NAP1L1: variants seen among roughly 807,000 people sequenced by gnomAD.
The protein encoded by NAP1L1 is nucleosome assembly protein 1 like 1, also known as nucleosome assembly protein 1-like 1.
NAP1L1 carries 9 observed loss-of-function variants against 58.9 expected under a neutral mutation model. The observed-to-expected ratio is 0.15, with a 90% CI of 0.09 to 0.27. The LOEUF is 0.27. NAP1L1 is among the 10% of genes least tolerant of loss of function. The pLI, the probability that NAP1L1 is intolerant of heterozygous loss-of-function variation, is 1.00. For missense variants in NAP1L1, 302 were observed against 458.8 expected, an observed-to-expected ratio of 0.66 and a Z score of 3.12; for synonymous variants, 130 against 138.3, an observed-to-expected ratio of 0.94 and a Z score of 0.42.
At chr12:76,072,771 C>T (rs1219422946) in intron 2 of NAP1L1, among the ~76,000 whole-genome samples, 1 of 152,098 alleles carries the variant, frequency 6.6e-6, no homozygotes, top group African/African-American at 2.4e-5. Flanking sequence ...GACAATGGAG[C>T]AATGCCTTCA....
intron 3 of NAP1L1, 132 bp from the exon 4 acceptor site, chr12:76,067,605 G>A (rs1334233116): frequency 1.5e-5 from 9 of 608,088 alleles, no homozygotes; most frequent in Admixed American, 5.7e-5. Context: ...GAGTAGAGAC[G>A]GGCAGGGAAA....
At position 76,047,108 on chromosome 12, in the gene NAP1L1, G is replaced by C. The variant is rs1159880378; in HGVS notation, c.*1321C>G. The C allele has an allele frequency of 1.3e-5, 2 of 152,426 alleles. No individual in the cohort carries two copies. The highest frequency in any genetic ancestry group is 4.8e-5 in the African/African-American group (2 of 41,432). 9.4% of individuals were successfully genotyped at this position (152,426 alleles called of 1,614,324 possible). A position where few individuals can be genotyped will look rare whatever the true frequency, so the allele number is the denominator to read the frequency against. On this transcript the variant is annotated 3_prime_UTR_variant, in exon 15 of 15. Coordinates refer to ENST00000618691, the MANE Select transcript of NAP1L1 (RefSeq NM_004537.7). Reference sequence around the variant, plus strand: ...CAGTTTAGTTATCAAAGCGTGGTGTGAACAAAATGCTTAGTGTCACACTGG... The same window carrying C: ...CAGTTTAGTTATCAAAGCGTGGTGTCAACAAAATGCTTAGTGTCACACTGG...
At chr12:76,068,524 T>G (rs1397671064) in intron 3 of NAP1L1, 1 of 154,536 alleles carries the variant, frequency 6.5e-6, no homozygotes, top group East Asian at 1.9e-4. Context: ...CTTGAAGGAG[T>G]GGATCTTTAA....
At chr12:76,073,237 A>C (rs1950040377) in intron 2 of NAP1L1, among the ~76,000 whole-genome samples, 1 of 151,822 alleles carries the variant, frequency 6.6e-6, no homozygotes, top group South Asian at 2.1e-4. Context: ...TCTTGTACTG[A>C]AGTTTCCAGC....
intron 4 of NAP1L1, among the ~76,000 whole-genome samples, chr12:76,066,137 TAAACAAACAAAC>T (rs10563211): frequency 6.6e-5 from 4 of 60,302 alleles, no homozygotes; most frequent in African/African-American, 1.5e-4. Flanking sequence ...AATAAATAAA[TAAACAAACAAAC>T]AAACAAACCT....
rs370858261 is a variant in NAP1L1, at chr12:76,038,584, TAGA to T, written c.*9842_*9844del. 4.2e-4 allele frequency: 64 copies of T among 152,310 alleles called. No homozygotes were observed. The highest frequency in any genetic ancestry group is 2.5e-3 in the East Asian group (13 of 5,190). The allele number at this position is 152,310 out of a possible 1,614,324, so 9.4% of individuals were successfully genotyped here. On this transcript the variant is annotated 3_prime_UTR_variant, in exon 15 of 15. Coordinates refer to ENST00000618691, the MANE Select transcript of NAP1L1 (RefSeq NM_004537.7). ...AAAGAAGGTGGTAGTGGTGTTACTT[TAGA>T]AGAACAACTCAGGCTTCAGAGAGGG...
chr12:76,068,212 C>T (rs1949773015), intron 3 of NAP1L1, among the ~76,000 whole-genome samples: 1 of 152,042 alleles, frequency 6.6e-6, no homozygotes, highest in Non-Finnish European at 1.5e-5. Context: ...GTACACACAG[C>T]CAGGATAACC....
chr12:76,067,279 A>G (rs1949724973), intron 4 of NAP1L1, 92 bp downstream of exon 4: 2 of 959,742 alleles, frequency 2.1e-6, no homozygotes, highest in Non-Finnish European at 3.2e-6. Context: ...GGTTTCCACT[A>G]TTGCATATCT....
chr12:76,078,255 G>A (rs1448226098), intron 1 of NAP1L1, among the ~76,000 whole-genome samples: 1 of 151,876 alleles, frequency 6.6e-6, no homozygotes, highest in Non-Finnish European at 1.5e-5. Context: ...AAATTAAGCA[G>A]GAACCCCAAA....
Position 76,040,489 on chromosome 12 carries a change from G to C in NAP1L1, c.*7940C>G, listed in dbSNP as rs1007709909. ...ACTGTTATAATCCAGTTCCACCTGA[G>C]AGTAAATATACATACACATACATAT... On this transcript the variant is annotated 3_prime_UTR_variant, in exon 15 of 15. Coordinates refer to ENST00000618691, the MANE Select transcript of NAP1L1 (RefSeq NM_004537.7). 7.2e-5 allele frequency: 11 copies of C among 151,978 alleles called. No homozygotes were observed. Among genetic ancestry groups the C allele is most frequent in the Non-Finnish European group, 1.5e-5 (1 of 68,000 alleles). 9.4% of individuals were successfully genotyped at this position (151,978 alleles called of 1,614,324 possible). A position where few individuals can be genotyped will look rare whatever the true frequency, so the allele number is the denominator to read the frequency against.
rs923245878 is a variant in NAP1L1, at chr12:76,041,569, A to G, written c.*6860T>C. ...ACCAAGCCAAATGAATAGCAAAGAC[A>G]ACAGTTCCAGCCTCCAGTTTTGAAA... On this transcript the variant is annotated 3_prime_UTR_variant, in exon 15 of 15. Coordinates refer to ENST00000618691, the MANE Select transcript of NAP1L1 (RefSeq NM_004537.7). The G allele has an allele frequency of 6.6e-6, 1 of 152,216 alleles. No homozygotes were observed. The highest frequency in any genetic ancestry group is 6.5e-5 in the Admixed American group (1 of 15,278). 9.4% of individuals were successfully genotyped at this position (152,216 alleles called of 1,614,324 possible). A position where few individuals can be genotyped will look rare whatever the true frequency, so the allele number is the denominator to read the frequency against.
chr12:76,063,874 A>C (rs2137032183), intron 4 of NAP1L1, among the ~76,000 whole-genome samples: 1 of 100,232 alleles, frequency 1.0e-5, no homozygotes, highest in African/African-American at 3.4e-5. Context: ...ATACTAGGTT[A>C]AAAGTTTAAA....
chr12:76,037,970 A>G lies in NAP1L1; in HGVS notation c.*10459T>C, dbSNP rs1871089652. 6.6e-6 allele frequency: 1 copy of G among 152,236 alleles called. No homozygotes were observed. The highest frequency in any genetic ancestry group is 2.1e-4 in the South Asian group (1 of 4,830). The allele number at this position is 152,236 out of a possible 1,614,324, so 9.4% of individuals were successfully genotyped here. ...AATGGGCAAGCAGGCTATCTTATTG[A>G]GTATTAACAAGTAACCAGGAAGTCT... On this transcript the variant is annotated 3_prime_UTR_variant, in exon 15 of 15. Transcript: ENST00000618691.
chr12:76,067,949 G>A (rs1030118090), intron 3 of NAP1L1, among the ~76,000 whole-genome samples: 4 of 152,170 alleles, frequency 2.6e-5, no homozygotes, highest in Non-Finnish European at 5.9e-5. Context: ...CTATGTGTAT[G>A]AATAAAGTTA....
intron 6 of NAP1L1, chr12:76,056,389 C>A: frequency 4.5e-6 from 2 of 444,018 alleles, no homozygotes; most frequent in Non-Finnish European, 8.1e-6. Context: ...GTAGGAAAAA[C>A]CATTTTAGTA....
chr12:76,053,418 A>AATG, intron 9 of NAP1L1, 68 bp from the exon 10 acceptor site: 1 of 1,536,622 alleles, frequency 6.5e-7, no homozygotes, highest in Non-Finnish European at 8.8e-7. Flanking sequence ...TTTAGAAGTA[A>AATG]ATGTTCTATT....
intron 7 of NAP1L1, among the ~76,000 whole-genome samples, chr12:76,055,741 T>C (rs1949055958): frequency 6.6e-6 from 1 of 152,212 alleles, no homozygotes; most frequent in Non-Finnish European, 1.5e-5. Context: ...AACTTTCCCA[T>C]CATACTTCCA....
intron 12 of NAP1L1, among the ~76,000 whole-genome samples, chr12:76,050,221 C>T (rs1338122644): frequency 6.6e-6 from 1 of 152,084 alleles, no homozygotes; most frequent in African/African-American, 2.4e-5. Flanking sequence ...TTCTTGTGCA[C>T]TAAAGAAAGT....
At chr12:76,067,116 A>G (rs189211645) in intron 4 of NAP1L1, among the ~76,000 whole-genome samples, 122 of 152,252 alleles carry the variant, frequency 8.0e-4, no homozygotes, top group African/African-American at 2.9e-3. Context: ...TTTCTAACAT[A>G]CCTCTAAACA....
Sources: gnomAD v4.1 joint callset for allele counts (sites outside exome capture counted in the v4.1 genomes callset) on GRCh38, gnomAD v4.1.1 for gene constraint, MANE v1.5 for transcripts, NCBI Gene and HGNC (gene_info 2026-07-23, HGNC 2026-07-21) for gene names.